Variants in FYB1 observed in about 807,000 individuals in gnomAD.
FYB1 encodes the protein FYN-binding protein 1.
Under a neutral mutation model 94.1 loss-of-function variants are expected in FYB1, and 41 were observed. That is an observed-to-expected ratio of 0.44 (90% CI 0.34 to 0.57). The LOEUF (loss-of-function observed/expected upper bound fraction) is 0.57, where lower values mean the gene tolerates loss of function less well. Among genes scored for constraint, FYB1 ranks in the 20% least tolerant of loss-of-function variants. The pLI is 0.02. For synonymous variants in FYB1, 367 were observed against 353.2 expected, an observed-to-expected ratio of 1.04 and a Z score of -0.44; for missense variants, 1,050 against 976.8, an observed-to-expected ratio of 1.07 and a Z score of -1.00.
rs1738708559 is a variant in FYB1 at position 39,108,233 on chromosome 5, T to C, written c.2465A>G (p.Asp822Gly). 6.6e-7 allele frequency: 1 copy of C among 1,525,902 alleles called. No homozygotes were observed. The allele number at this position is 1,525,902 out of a possible 1,614,324, so 94.5% of individuals were successfully genotyped here. Reference protein sequence around the residue: ...NDGEIYDDIADGCIYDND With the variant: ...NDGEIYDDIAGGCIYDND Reference sequence around the variant, plus strand: ...GGGTGGTACTACATAAGACTTACCATCAGCAATATCATCATAGATCTCTCC... The same window carrying C: ...GGGTGGTACTACATAAGACTTACCACCAGCAATATCATCATAGATCTCTCC... Residue 822 changes from aspartate to glycine, a missense_variant and splice_region_variant, in exon 18 of 19, where the codon GAT becomes GGT. By Grantham distance (94) the Asp-to-Gly change is moderately conservative. Coordinates refer to ENST00000512982, the MANE Select transcript of FYB1 (RefSeq NM_001465.6).
intron 1 of FYB1, among the ~76,000 whole-genome samples, chr5:39,255,105 T>A (rs1276327944): frequency 6.6e-6 from 1 of 152,184 alleles, no homozygotes; most frequent in Non-Finnish European, 1.5e-5. Flanking sequence ...CACATGCATC[T>A]CATTTTTACA....
At chr5:39,231,387 T>C (rs185734803) in intron 1 of FYB1, among the ~76,000 whole-genome samples, 5 of 152,258 alleles carry the variant, frequency 3.3e-5, no homozygotes, top group African/African-American at 1.2e-4. Flanking sequence ...GAGTACCTTT[T>C]GGGTTACAAA....
intron 2 of FYB1, among the ~76,000 whole-genome samples, chr5:39,190,652 A>AT (rs1277404525): frequency 1.3e-5 from 2 of 152,202 alleles, no homozygotes; most frequent in African/African-American, 4.8e-5. Flanking sequence ...GGTCTAGAAA[A>AT]TTCTCTTTAA....
At chr5:39,190,768 T>TTGTGTGTG (rs3028815) in intron 2 of FYB1, among the ~76,000 whole-genome samples, 5,484 of 146,338 alleles carry the variant, frequency 0.037, 98 homozygotes, top group Middle Eastern at 0.055. Flanking sequence ...CCATGCTTAT[T>TTGTGTGTG]TGTGTGTGTG....
At chr5:39,125,033 T>G (rs1269659780) in intron 12 of FYB1, among the ~76,000 whole-genome samples, 2 of 151,706 alleles carry the variant, frequency 1.3e-5, no homozygotes, top group Non-Finnish European at 1.5e-5. Context: ...GAGGGATCAT[T>G]AATTCAAATG....
intron 2 of FYB1, among the ~76,000 whole-genome samples, chr5:39,175,675 T>C (rs1745655413): frequency 6.6e-6 from 1 of 152,200 alleles, no homozygotes; most frequent in South Asian, 2.1e-4. Context: ...GTATTCTTCC[T>C]GGCCACTCCT....
intron 4 of FYB1, 91 bp downstream of exon 4, chr5:39,141,004 T>A: frequency 1.2e-6 from 1 of 826,314 alleles, no homozygotes; most frequent in Non-Finnish European, 2.0e-6. Flanking sequence ...GTGATGATAA[T>A]GACCCATTAA....
intron 9 of FYB1, among the ~76,000 whole-genome samples, chr5:39,131,379 C>T (rs1195648797): frequency 4.6e-5 from 7 of 152,022 alleles, no homozygotes; most frequent in African/African-American, 1.7e-4. Context: ...GTGACTTGAC[C>T]ACGCCCACTT....
chr5:39,190,768 T>TTGTGTGTGTGTG (rs3028815), intron 2 of FYB1, among the ~76,000 whole-genome samples: 18,007 of 146,180 alleles, frequency 0.12, 1,395 homozygotes, highest in Admixed American at 0.17. Context: ...CCATGCTTAT[T>TTGTGTGTGTGTG]TGTGTGTGTG....
chr5:39,197,303 CTT>C (rs1462795215), intron 2 of FYB1, among the ~76,000 whole-genome samples: 6 of 152,282 alleles, frequency 3.9e-5, no homozygotes, highest in African/African-American at 1.2e-4. Context: ...TAGAATCTCT[CTT>C]CTTTCCCATT....
chr5:39,138,878 C>G (rs1741899068), intron 5 of FYB1, 187 bp from the exon 6 acceptor site: 1 of 635,248 alleles, frequency 1.6e-6, no homozygotes, highest in South Asian at 1.7e-5. Context: ...AAGAATAATT[C>G]AAATACTCAG....
intron 1 of FYB1, among the ~76,000 whole-genome samples, chr5:39,231,019 T>C (rs1005350246): frequency 2.0e-5 from 3 of 151,710 alleles, no homozygotes; most frequent in African/African-American, 7.3e-5. Context: ...AAGTGTTGTA[T>C]CATGATATTA....
chr5:39,138,581 A>C, intron 6 of FYB1, 76 bp downstream of exon 6: 1 of 803,382 alleles, frequency 1.2e-6, no homozygotes, highest in Non-Finnish European at 2.0e-6. Flanking sequence ...GTGTTGTTAT[A>C]TACCCACTCT....
intron 7 of FYB1, among the ~76,000 whole-genome samples, 152 bp from the exon 8 acceptor site, chr5:39,135,166 T>A (rs1466780984): frequency 2.6e-5 from 4 of 152,192 alleles, no homozygotes; most frequent in African/African-American, 7.2e-5. Flanking sequence ...GTGAATGTTT[T>A]TCTTATAGGA....
intron 1 of FYB1, among the ~76,000 whole-genome samples, chr5:39,251,191 AGTGTTTCTTG>A (rs1751697794): frequency 6.6e-6 from 1 of 152,212 alleles, no homozygotes; most frequent in South Asian, 2.1e-4. Context: ...GATCTGCAAC[AGTGTTTCTTG>A]AGATAATAAG....
rs529053478 is a variant in FYB1 at position 39,128,305 on chromosome 5, T to A, written c.1841-498A>T. On this transcript the variant is annotated intron_variant, in intron 10 of 18. Coordinates refer to ENST00000512982, the MANE Select transcript of FYB1 (RefSeq NM_001465.6). The stretch of plus-strand genomic sequence containing the variant: ...TTTTTGAAAGTTAAACTGTTTCTGG[T>A]TTCATTTGTTATTCTATGCTCTTCA... 7.9e-5 allele frequency among the ~76,000 whole-genome samples: 12 copies of A among 152,292 alleles called. 1 individual carries two copies. The East Asian group carries it at 2.3e-3, about 29-fold the overall frequency.
At position 39,134,358 on chromosome 5, in the gene FYB1, A is replaced by C; in HGVS notation, c.1676-9T>G. On this transcript the variant is annotated splice_polypyrimidine_tract_variant and intron_variant, in intron 8 of 18. Coordinates refer to ENST00000512982, the MANE Select transcript of FYB1 (RefSeq NM_001465.6). ...TGTTTTAATATAGCCATCTACCAAA[A>C]AGGGAAATATTTATGTTCAGGCAAC... 6.3e-7 allele frequency: 1 copy of C among 1,583,640 alleles called. No homozygotes were observed. The highest frequency in any genetic ancestry group is 8.6e-7 in the Non-Finnish European group (1 of 1,158,646).
Position 39,235,278 on chromosome 5 carries a change from C to CTTT in FYB1, c.-27-32294_-27-32292dup, listed in dbSNP as rs112698280. Among the ~76,000 whole-genome samples the CTTT allele has an allele frequency of 6.7e-3, 974 of 146,086 alleles. 15 individuals are homozygous for CTTT. The highest frequency in any genetic ancestry group is 0.023 in the African/African-American group (920 of 40,448). ...CTACAGATAATACCCCAAGGATCAGCTTTTTTTTTTTCACAGTCAGTGCAG... is the reference window on the plus strand; with the variant it reads ...CTACAGATAATACCCCAAGGATCAGCTTTTTTTTTTTTTTCACAGTCAGTGCAG... On this transcript the variant is annotated intron_variant, in intron 1 of 1. Transcript: ENST00000510188.
At chr5:39,108,941 A>G (rs1580280801) in intron 17 of FYB1, among the ~76,000 whole-genome samples, 1 of 152,220 alleles carries the variant, frequency 6.6e-6, no homozygotes, top group South Asian at 2.1e-4. Context: ...TCTATGTACC[A>G]GGAGACAAAA....
Sources: gnomAD v4.1 joint callset for allele counts (sites outside exome capture counted in the v4.1 genomes callset) on GRCh38, gnomAD v4.1.1 for gene constraint, MANE v1.5 for transcripts, NCBI Gene and HGNC (gene_info 2026-07-23, HGNC 2026-07-21) for gene names.